The following ACSL1 variants were observed in gnomAD, a reference collection of about 807,000 sequenced individuals.
The protein encoded by ACSL1 is acyl-CoA synthetase long chain family member 1.
Under a neutral mutation model 98.4 loss-of-function variants are expected in ACSL1, and 41 were observed. The ratio of observed to expected loss-of-function variants is 0.42; its 90% CI spans 0.32 to 0.54. The LOEUF (loss-of-function observed/expected upper bound fraction) is 0.54. ACSL1 is among the 20% of genes least tolerant of loss of function. The pLI is 0.13. For synonymous variants in ACSL1, 316 were observed against 322.7 expected (o/e 0.98, Z 0.22); for missense variants, 734 against 883.1 (o/e 0.83, Z 2.14).
rs1771992878 is a variant in ACSL1, at chr4:184,810,867, C to T, written c.-32-7321G>A. Among the ~76,000 whole-genome samples the T allele has an allele frequency of 2.6e-5, 4 of 152,284 alleles. 1 individual carries two copies. The South Asian group carries it at 8.3e-4, about 32-fold the overall frequency. ...GGACTGCGCACAGGGCTAAATGCGT[C>T]CTCGTCACAGTCCTTACTGCACGGG... On this transcript the variant is annotated intron_variant, in intron 1 of 20. Coordinates refer to ENST00000281455, the MANE Select transcript of ACSL1 (RefSeq NM_001995.5).
chr4:184,775,788 G>C (rs922973488), intron 7 of ACSL1, among the ~76,000 whole-genome samples: 2 of 152,214 alleles, frequency 1.3e-5, no homozygotes, highest in African/African-American at 4.8e-5. Context: ...CCTTCAGAAA[G>C]AGAAGGACTG....
chr4:184,803,244 A>G lies in ACSL1; in HGVS notation c.195+76T>C, dbSNP rs1246843546. ...AAACAAATATTTGATCTTGATGGCT[A>G]TCACATTCAACAGGGCTCAGCTCAT... is the stretch of plus-strand genomic sequence containing the variant. On this transcript the variant is annotated intron_variant, in intron 2 of 20. Transcript: ENST00000281455. This position sits in a 1 kb window ranked among gnomAD's most constrained non-coding sequence, Gnocchi z 4.8. 6 of 1,281,750 alleles carry G rather than the reference A, an allele frequency of 4.7e-6. No homozygotes were observed. The highest frequency in any genetic ancestry group is 6.3e-6 in the Non-Finnish European group (6 of 951,854). 79.4% of individuals were successfully genotyped at this position (1,281,750 alleles called of 1,614,324 possible). A position where few individuals can be genotyped will look rare whatever the true frequency, so the allele number is the denominator to read the frequency against.
rs912473608 is a variant in ACSL1 at position 184,766,152 on chromosome 4, C to T, written c.1264-166G>A. On this transcript the variant is annotated intron_variant, in intron 13 of 20. Coordinates refer to ENST00000281455, the MANE Select transcript of ACSL1 (RefSeq NM_001995.5). This position sits in a 1 kb window ranked among gnomAD's most constrained non-coding sequence, Gnocchi z 4.8. ...CCCTCATGATGGCAGCACAGGGCTA[C>T]GGTTTGTTTCCACCCGTGACTGCCC... Among the ~76,000 whole-genome samples the T allele has an allele frequency of 7.2e-5, 11 of 152,328 alleles. No homozygotes were observed. Among genetic ancestry groups the T allele is most frequent in the Admixed American group, 2.6e-4 (4 of 15,300 alleles).
chr4:184,806,959 T>C (rs1385817022), intron 1 of ACSL1, among the ~76,000 whole-genome samples: 1 of 152,248 alleles, frequency 6.6e-6, no homozygotes, highest in Non-Finnish European at 1.5e-5. Flanking sequence ...TTTAGATATG[T>C]GTGAAGAACA....
rs183299944 is a variant in ACSL1, at chr4:184,814,164, T to G, written c.-32-10618A>C. Among the ~76,000 whole-genome samples, 1,052 of 151,842 alleles carry G rather than the reference T, an allele frequency of 6.9e-3. 9 individuals carry two copies. Among genetic ancestry groups the G allele is most frequent in the Middle Eastern group, 0.014 (4 of 294 alleles). ...AAATTAGCCATGCATGGTGGTGGGC[T>G]CCTGTAGTCCCAGCTACTCGGGAGG... On this transcript the variant is annotated intron_variant, in intron 1 of 20. Transcript: ENST00000281455.
At chr4:184,767,100 G>C (rs1763726793) in intron 12 of ACSL1, among the ~76,000 whole-genome samples, 1 of 151,942 alleles carries the variant, frequency 6.6e-6, no homozygotes, top group African/African-American at 2.4e-5. Flanking sequence ...TGGCCAACAT[G>C]GTAAGACCCC....
At chr4:184,809,787 C>T (rs758655272) in intron 1 of ACSL1, among the ~76,000 whole-genome samples, 7 of 152,156 alleles carry the variant, frequency 4.6e-5, no homozygotes, top group Non-Finnish European at 1.0e-4. Context: ...CAGAGCGAGA[C>T]TCTGTCTCAA....
chr4:184,765,376 C>T (rs1467893422), intron 14 of ACSL1, among the ~76,000 whole-genome samples: 1 of 152,226 alleles, frequency 6.6e-6, no homozygotes, highest in African/African-American at 2.4e-5. Context: ...GAAAATTCAA[C>T]AAATGGCAGA....
At chr4:184,809,591 G>A (rs921316647) in intron 1 of ACSL1, among the ~76,000 whole-genome samples, 4 of 152,040 alleles carry the variant, frequency 2.6e-5, no homozygotes, top group African/African-American at 2.4e-5. Context: ...AGGAGATCAA[G>A]ACCATCCTGG....
At chr4:184,799,503 C>T (rs556008459) in intron 2 of ACSL1, among the ~76,000 whole-genome samples, 1 of 152,256 alleles carries the variant, frequency 6.6e-6, no homozygotes, top group Non-Finnish European at 1.5e-5. Flanking sequence ...TTGCTCCTTC[C>T]ATTTCCATCA....
chr4:184,771,017 A>G (rs559931866), intron 10 of ACSL1, among the ~76,000 whole-genome samples: 31 of 152,276 alleles, frequency 2.0e-4, no homozygotes, highest in South Asian at 1.9e-3. Flanking sequence ...CCAGCTACTC[A>G]GGAGGCTGAG....
intron 16 of ACSL1, 146 bp downstream of exon 16, chr4:184,763,021 A>G: frequency 1.3e-6 from 1 of 778,230 alleles, no homozygotes; most frequent in Non-Finnish European, 2.0e-6. Context: ...ATGTACCCTC[A>G]GAAAGAAGCC....
intron 4 of ACSL1, among the ~76,000 whole-genome samples, chr4:184,781,480 T>C (rs934239846): frequency 4.6e-5 from 7 of 152,090 alleles, no homozygotes; most frequent in South Asian, 2.1e-4. Flanking sequence ...TAAGTAAAAA[T>C]TGATAGGTTT....
intron 2 of ACSL1, among the ~76,000 whole-genome samples, chr4:184,800,864 T>A (rs1462716925): frequency 6.6e-6 from 1 of 152,184 alleles, no homozygotes; most frequent in Non-Finnish European, 1.5e-5. Context: ...GATTTTTATT[T>A]TTCTTAGGGA....
chr4:184,781,033 G>A (rs1251583019), intron 4 of ACSL1, among the ~76,000 whole-genome samples: 1 of 151,862 alleles, frequency 6.6e-6, no homozygotes, highest in Non-Finnish European at 1.5e-5. Flanking sequence ...GAGGGAGTTC[G>A]AGGCCAGCCT....
chr4:184,767,728 C>T (rs1763836317), intron 12 of ACSL1, among the ~76,000 whole-genome samples: 1 of 152,162 alleles, frequency 6.6e-6, no homozygotes, highest in African/African-American at 2.4e-5. Context: ...AGTCCTGCCT[C>T]AAAATAAAGA....
chr4:184,821,144 C>A, intron 1 of ACSL1: 1 of 456,234 alleles, frequency 2.2e-6, no homozygotes, highest in South Asian at 1.5e-5. Context: ...CTGCTCTCAT[C>A]ACTGCTCTGT....
intron 17 of ACSL1, among the ~76,000 whole-genome samples, chr4:184,761,991 G>T (rs1762916883): frequency 6.6e-6 from 1 of 152,196 alleles, no homozygotes; most frequent in East Asian, 1.9e-4. Context: ...GCCAGGTGTG[G>T]TGGTGGGCAC....
In ACSL1 at chr4:184,803,365, G is replaced by A. The variant is rs1233189189; in HGVS notation, c.150C>T (p.Pro50=). ...TGGAGAGGTCGCATGGCGGCTTCAG[G>A]GGTTTGGGTCTCGTGGCGTACCAGA... ...TTFWYATRPK[P]LKPPCDLSMQ... is the part of the protein sequence containing the mutation. Residue 50 remains proline, a synonymous_variant, in exon 2 of 21, where the codon CCC becomes CCT. Coordinates refer to ENST00000281455, the MANE Select transcript of ACSL1 (RefSeq NM_001995.5). This position sits in a 1 kb window ranked among gnomAD's most constrained non-coding sequence, Gnocchi z 4.8. 1.2e-6 allele frequency: 2 copies of A among 1,612,516 alleles called. No individual in the cohort carries two copies. Among genetic ancestry groups the A allele is most frequent in the South Asian group, 2.2e-5 (2 of 90,830 alleles).
Sources: gnomAD v4.1 joint callset for allele counts (sites outside exome capture counted in the v4.1 genomes callset) on GRCh38, gnomAD v4.1.1 for gene constraint, Gnocchi (gnomAD v3.1) non-coding constraint, MANE v1.5 for transcripts, NCBI Gene and HGNC (gene_info 2026-07-23, HGNC 2026-07-21) for gene names.